Variants in ZNF487 observed in about 807,000 individuals in gnomAD.
ZNF487 encodes the protein KRAB domain only 1.
A neutral mutation model predicts 3.0 loss-of-function variants in ZNF487; 4 were observed. The ratio of observed to expected loss-of-function variants is 1.35; its 90% confidence interval spans 0.66 to 3.08. The LOEUF (loss-of-function observed/expected upper bound fraction) is 3.08. ZNF487 is among the 30% of genes most tolerant of loss of function. The probability of loss-of-function intolerance (pLI) is 0.01; values close to 1 mark genes in which losing one functional copy is unlikely to be tolerated. For missense variants in ZNF487, 146 were observed against 98.7 expected, an observed-to-expected ratio of 1.48 and a Z score of -2.03; for synonymous variants, 55 against 34.6, an observed-to-expected ratio of 1.59 and a Z score of -2.06.
chr10:43,490,148 G>A, the ZNF487 span, among the ~76,000 whole-genome samples: 3 of 152,300 alleles, frequency 2.0e-5, no homozygotes, highest in Non-Finnish European at 4.4e-5. Context: ...TCAGGAGTTT[G>A]AGATGATCCT....
chr10:43,491,381 TGGGTTCCCTCAG>T, the ZNF487 span, among the ~76,000 whole-genome samples: 1 of 151,708 alleles, frequency 6.6e-6, no homozygotes, highest in African/African-American at 2.4e-5. Context: ...GGTACCTGTG[TGGGTTCCCTCAG>T]ACCTGGCCCC....
intron 1 of ZNF487, among the ~76,000 whole-genome samples, chr10:43,456,675 G>T (rs753225425): frequency 9.2e-5 from 14 of 152,058 alleles, no homozygotes; most frequent in Admixed American, 2.6e-4. Context: ...CTGCCTCCCG[G>T]GTTCAAGCGA....
chr10:43,496,666 T>A, the ZNF487 span, among the ~76,000 whole-genome samples: 1 of 152,202 alleles, frequency 6.6e-6, no homozygotes, highest in African/African-American at 2.4e-5. Flanking sequence ...TACAAACAAC[T>A]GAAATTTATT....
chr10:43,469,456 G>A (rs1840825633), intron 1 of ZNF487, among the ~76,000 whole-genome samples: 1 of 152,084 alleles, frequency 6.6e-6, no homozygotes, highest in Admixed American at 6.6e-5. Context: ...GCCTCCTAAA[G>A]TGCTGGGATT....
Position 43,481,788 on chromosome 10 carries a change from A to G in ZNF487, c.490A>G (p.Asn164Asp). Reference sequence around the variant, plus strand: ...TGGAAATGGGAAAGCCGTCTCTCAGAATGAGGACTTATTTAGGCATCAGTA... The same window carrying G: ...TGGAAATGGGAAAGCCGTCTCTCAGGATGAGGACTTATTTAGGCATCAGTA... Reference protein sequence around the residue: ...YDGNGKAVSQNEDLFRHQYIQ... With the variant: ...YDGNGKAVSQDEDLFRHQYIQ... Residue 164 changes from asparagine (N) to aspartate (D), a missense_variant, in exon 4 of 4, where the codon AAT becomes GAT. By Grantham distance (23) the Asn-to-Asp change is conservative (BLOSUM62 1). Transcript: ENST00000437590. 1 of 710,322 alleles carries G rather than the reference A, an allele frequency of 1.4e-6. No homozygotes were observed. The highest frequency in any genetic ancestry group is 2.6e-6 in the Non-Finnish European group (1 of 385,044). The allele number at this position is 710,322 out of a possible 1,614,324, so 44.0% of individuals were successfully genotyped here.
chr10:43,506,922 A>C, the ZNF487 span, among the ~76,000 whole-genome samples: 1 of 152,178 alleles, frequency 6.6e-6, no homozygotes, highest in Non-Finnish European at 1.5e-5. Flanking sequence ...GTGAGCTGTA[A>C]TTAACTGTTC....
At chr10:43,496,091 A>C in the ZNF487 span, 4 of 533,824 alleles carry the variant, frequency 7.5e-6, no homozygotes, top group Non-Finnish European at 1.5e-5. Flanking sequence ...TATTGAGAGG[A>C]CCCTGTACAT....
intron 2 of ZNF487, 67 bp downstream of exon 2, chr10:43,475,914 G>T: frequency 1.5e-6 from 1 of 672,310 alleles, no homozygotes; most frequent in Non-Finnish European, 2.7e-6. Flanking sequence ...ATTACAGATG[G>T]TTTCTTTGTA....
At chr10:43,470,460 C>T (rs549627023) in intron 1 of ZNF487, among the ~76,000 whole-genome samples, 15 of 151,438 alleles carry the variant, frequency 9.9e-5, no homozygotes, top group South Asian at 4.2e-4. Context: ...CTCACCTCAC[C>T]GCAACCTCCA....
the ZNF487 span, among the ~76,000 whole-genome samples, chr10:43,494,205 A>G: frequency 1.3e-5 from 2 of 152,176 alleles, no homozygotes; most frequent in African/African-American, 4.8e-5. Flanking sequence ...GTTGTGTGAA[A>G]GCAGCTTAGA....
chr10:43,498,093 A>ATG, the ZNF487 span, among the ~76,000 whole-genome samples: 1 of 13,268 alleles, frequency 7.5e-5, no homozygotes, highest in Non-Finnish European at 1.4e-4. Flanking sequence ...ATATATATAT[A>ATG]TATATATTTT....
At chr10:43,506,374 C>A in the ZNF487 span, among the ~76,000 whole-genome samples, 1 of 152,040 alleles carries the variant, frequency 6.6e-6, no homozygotes, top group Non-Finnish European at 1.5e-5. Flanking sequence ...ATAGGGCATG[C>A]ACACCTGTAG....
At chr10:43,486,541 T>C (rs1429230995), downstream of ZNF487, among the ~76,000 whole-genome samples, 2 of 148,254 alleles carry the variant, frequency 1.3e-5, no homozygotes, top group East Asian at 2.0e-4. Context: ...AAAAAAAAAG[T>C]CTAAAAGAGA....
chr10:43,462,891 C>G (rs1273170111), intron 1 of ZNF487, among the ~76,000 whole-genome samples: 1 of 151,848 alleles, frequency 6.6e-6, no homozygotes, highest in African/African-American at 2.4e-5. Flanking sequence ...TGCCTCAGCC[C>G]CCTGAGTAGC....
chr10:43,500,603 C>G, the ZNF487 span, among the ~76,000 whole-genome samples: 1 of 151,934 alleles, frequency 6.6e-6, no homozygotes, highest in Non-Finnish European at 1.5e-5. Flanking sequence ...CCGGGCTCAG[C>G]TGATTCTCCC....
At chr10:43,440,052 A>ATCTTT (rs147487158) in intron 1 of ZNF487, among the ~76,000 whole-genome samples, 1 of 146,056 alleles carries the variant, frequency 6.8e-6, no homozygotes, top group Non-Finnish European at 1.5e-5. Flanking sequence ...ATATATATAT[A>ATCTTT]TATTTTTTTT....
Position 43,447,177 on chromosome 10 carries a change from C to T in ZNF487, c.-94+9915C>T, listed in dbSNP as rs548771706. Among the ~76,000 whole-genome samples the T allele has an allele frequency of 8.6e-5, 13 of 151,666 alleles. No homozygotes were observed. In the East Asian group the frequency reaches 1.5e-3, roughly 18 times the overall value. On this transcript the variant is annotated intron_variant, in intron 1 of 3. Transcript: ENST00000437590. ...GAGGGAGACGGTGGAAAGCGGGAGACGGAGATGAGGGAGAGGGGGAGACCG... is the reference window on the plus strand; with the variant it reads ...GAGGGAGACGGTGGAAAGCGGGAGATGGAGATGAGGGAGAGGGGGAGACCG...
At chr10:43,491,029 T>A in the ZNF487 span, among the ~76,000 whole-genome samples, 1 of 143,956 alleles carries the variant, frequency 6.9e-6, no homozygotes, top group East Asian at 2.1e-4. Flanking sequence ...CCTGGGGGCA[T>A]GATCTCGGCT....
At chr10:43,504,357 G>A in the ZNF487 span, among the ~76,000 whole-genome samples, 1 of 141,562 alleles carries the variant, frequency 7.1e-6, no homozygotes, top group Non-Finnish European at 1.5e-5. Context: ...GCAATGACGC[G>A]ATCTCGGCTC....
Sources: allele counts gnomAD v4.1 joint callset (sites outside exome capture counted in the v4.1 genomes callset), GRCh38; gene constraint gnomAD v4.1.1; transcripts MANE v1.5; gene names NCBI Gene and HGNC (gene_info 2026-07-23, HGNC 2026-07-21).